C6: variants seen among roughly 807,000 people sequenced by gnomAD.
The protein encoded by C6 is complement component C6.
C6 carries 101 observed loss-of-function variants against 112.9 expected under a neutral mutation model. The observed-to-expected ratio is 0.89, with a 90% CI of 0.76 to 1.06. The LOEUF (loss-of-function observed/expected upper bound fraction) is 1.06, where lower values mean the gene tolerates loss of function less well. Among genes scored for constraint, C6 ranks in the 50% least tolerant of loss-of-function variants. The pLI is 0.00. For missense variants in C6, 1,202 were observed against 1,104.6 expected, an observed-to-expected ratio of 1.09 and a Z score of -1.25; for synonymous variants, 431 against 384.1, an observed-to-expected ratio of 1.12 and a Z score of -1.43.
chr5:41,201,395 T>TC (rs1181574010), intron 3 of C6, among the ~76,000 whole-genome samples, 163 bp downstream of exon 3: 1 of 151,876 alleles, frequency 6.6e-6, no homozygotes, highest in Non-Finnish European at 1.5e-5. Flanking sequence ...AACCCCCTCT[T>TC]CCCCCCACAA....
Position 41,182,995 on chromosome 5 carries a change from C to T in C6, c.727-1436G>A, listed in dbSNP as rs114818642. Among the ~76,000 whole-genome samples, 587 of 152,338 alleles carry T rather than the reference C, an allele frequency of 3.9e-3. 4 individuals carry two copies. Among genetic ancestry groups the T allele is most frequent in the Non-Finnish European group, 6.6e-3 (447 of 68,032 alleles). On this transcript the variant is annotated intron_variant, in intron 6 of 17. Transcript: ENST00000337836. The stretch of plus-strand genomic sequence containing the variant: ...TGTTATCCAGGCTTGTGTTATCAAG[C>T]TTTGTGGGTTAACCCAGTGATCTGT...
intron 5 of C6, among the ~76,000 whole-genome samples, chr5:41,193,718 T>C (rs1243897795): frequency 6.6e-6 from 1 of 151,974 alleles, no homozygotes; most frequent in South Asian, 2.1e-4. Context: ...ATGTTGGCAA[T>C]GTAGAAATTT....
intron 4 of C6, among the ~76,000 whole-genome samples, chr5:41,198,239 T>C (rs796727584): frequency 1.1e-4 from 16 of 152,278 alleles, no homozygotes; most frequent in African/African-American, 3.8e-4. Flanking sequence ...TCAGGAGAGA[T>C]AGTTCTTTGT....
At chr5:41,177,772 A>AT (rs1245036972) in intron 7 of C6, among the ~76,000 whole-genome samples, 1 of 152,116 alleles carries the variant, frequency 6.6e-6, no homozygotes, top group Non-Finnish European at 1.5e-5. Flanking sequence ...CCTTCTATAC[A>AT]TTCATTGCCT....
chr5:41,225,402 AT>A (rs1227215199), intron 1 of C6, among the ~76,000 whole-genome samples: 1 of 152,000 alleles, frequency 6.6e-6, no homozygotes, highest in African/African-American at 2.4e-5. Context: ...TGAACTCATC[AT>A]TTTTTACGGC....
intron 1 of C6, among the ~76,000 whole-genome samples, chr5:41,219,893 T>C (rs1447624339): frequency 6.6e-6 from 1 of 152,230 alleles, no homozygotes; most frequent in African/African-American, 2.4e-5. Flanking sequence ...TCACATGCTC[T>C]GTGTATTGAA....
chr5:41,146,615 A>G (rs1207276378), intron 17 of C6, among the ~76,000 whole-genome samples: 1 of 152,208 alleles, frequency 6.6e-6, no homozygotes, highest in Non-Finnish European at 1.5e-5. Context: ...AGAGGAAAAA[A>G]ATGCTTTGAG....
chr5:41,195,881 G>A lies in C6; in HGVS notation c.498C>T (p.Asp166=), dbSNP rs781326343. ...LECNGENDCG[D]NSDERDCGRT... is the part of the protein sequence containing the mutation. The stretch of plus-strand genomic sequence containing the variant: ...TCCCACAGTCCCTTTCATCTGAATT[G>A]TCTCCACAGTCATTTTCTCCATTGC... Residue 166 remains aspartate (D), a synonymous_variant, in exon 5 of 18, where the codon GAC becomes GAT. Coordinates refer to ENST00000337836, the MANE Select transcript of C6 (RefSeq NM_000065.5). 1.9e-6 allele frequency: 3 copies of A among 1,613,872 alleles called. No individual in the cohort carries two copies. Among genetic ancestry groups the A allele is most frequent in the Non-Finnish European group, 2.5e-6 (3 of 1,179,864 alleles).
intron 1 of C6, among the ~76,000 whole-genome samples, chr5:41,241,105 T>C (rs1580246999): frequency 6.6e-6 from 1 of 152,086 alleles, no homozygotes; most frequent in Non-Finnish European, 1.5e-5. Context: ...GAATAGGCTG[T>C]GGTGGGCAAA....
chr5:41,257,527 A>G (rs1741794314), intron 1 of C6, among the ~76,000 whole-genome samples: 1 of 152,132 alleles, frequency 6.6e-6, no homozygotes, highest in Non-Finnish European at 1.5e-5. Context: ...TTTTGGGGAT[A>G]CATACCCAGC....
chr5:41,184,268 T>C (rs990879529), intron 6 of C6, among the ~76,000 whole-genome samples: 3 of 152,190 alleles, frequency 2.0e-5, no homozygotes, highest in African/African-American at 7.2e-5. Context: ...ACATTTTAAC[T>C]GATAGTTTAT....
chr5:41,158,815 A>G (rs1446829791), intron 12 of C6, 30 bp from the exon 13 acceptor site: 1 of 1,240,038 alleles, frequency 8.1e-7, no homozygotes, highest in African/African-American at 1.5e-5. Context: ...ATGTGTGTAT[A>G]TGTATGTATG....
intron 3 of C6, among the ~76,000 whole-genome samples, chr5:41,200,342 C>G (rs1750919666): frequency 6.6e-6 from 1 of 151,986 alleles, no homozygotes; most frequent in Non-Finnish European, 1.5e-5. Context: ...CTGTGAAAAC[C>G]AATGCGAATG....
chr5:41,222,932 T>A (rs1421341630), intron 1 of C6, among the ~76,000 whole-genome samples: 1 of 152,202 alleles, frequency 6.6e-6, no homozygotes, highest in Non-Finnish European at 1.5e-5. Flanking sequence ...CTAACTGTGT[T>A]CATTTAACCA....
At chr5:41,234,202 T>G (rs1011919813) in intron 1 of C6, among the ~76,000 whole-genome samples, 1 of 152,092 alleles carries the variant, frequency 6.6e-6, no homozygotes, top group Non-Finnish European at 1.5e-5. Flanking sequence ...ACTATGTAAT[T>G]GCAATGTATC....
intron 10 of C6, among the ~76,000 whole-genome samples, chr5:41,160,918 G>A (rs1747428091): frequency 6.6e-6 from 1 of 152,104 alleles, no homozygotes; most frequent in East Asian, 1.9e-4. Flanking sequence ...ATAAATCAGT[G>A]CTCATTTTAT....
intron 6 of C6, 44 bp from the exon 7 acceptor site, chr5:41,181,603 C>T (rs1383232247): frequency 6.9e-7 from 1 of 1,457,764 alleles, no homozygotes; most frequent in South Asian, 1.2e-5. Context: ...TTAGGAAATA[C>T]TGGAGCGACT....
At chr5:41,243,038 T>A (rs980884299) in intron 1 of C6, among the ~76,000 whole-genome samples, 9 of 152,122 alleles carry the variant, frequency 5.9e-5, no homozygotes, top group African/African-American at 1.7e-4. Flanking sequence ...GTATACAACA[T>A]CTCAGATGGG....
chr5:41,216,325 A>C (rs540971504), upstream of C6, among the ~76,000 whole-genome samples: 1 of 152,234 alleles, frequency 6.6e-6, no homozygotes, highest in East Asian at 1.9e-4. Flanking sequence ...TAAATCCACT[A>C]TTGGCTTCCT....
Sources: allele counts gnomAD v4.1 joint callset (sites outside exome capture counted in the v4.1 genomes callset), GRCh38; gene constraint gnomAD v4.1.1; transcripts MANE v1.5; gene names NCBI Gene and HGNC (gene_info 2026-07-23, HGNC 2026-07-21).